The following PLCB1 variants were observed in gnomAD, a reference collection of about 807,000 sequenced individuals.
The protein encoded by PLCB1 is phospholipase C beta 1.
In PLCB1, 46 loss-of-function variants were observed where a neutral mutation model predicts 161.8. That is an observed-to-expected ratio of 0.28 (90% confidence interval 0.22 to 0.36). The LOEUF is 0.36. Among genes scored for constraint, PLCB1 ranks in the 10% least tolerant of loss-of-function variants. The pLI is 1.00. For synonymous variants in PLCB1, 517 were observed against 503.7 expected, an observed-to-expected ratio of 1.03 and a Z score of -0.35; for missense variants, 1,016 against 1,472.5, an observed-to-expected ratio of 0.69 and a Z score of 5.07.
chr20:8,819,674 CA>C (rs1347156954), intron 31 of PLCB1, among the ~76,000 whole-genome samples: 2 of 152,078 alleles, frequency 1.3e-5, no homozygotes, highest in Non-Finnish European at 2.9e-5. Context: ...GCCCAGATAC[CA>C]AAACCTGCAG....
At chr20:8,681,117 T>A (rs761913813) in intron 9 of PLCB1, among the ~76,000 whole-genome samples, 22 of 103,278 alleles carry the variant, frequency 2.1e-4, no homozygotes, top group African/African-American at 3.1e-4. Flanking sequence ...TATATATATA[T>A]ATAATATATA....
At chr20:8,348,604 A>G (rs1284252090) in intron 2 of PLCB1, among the ~76,000 whole-genome samples, 1 of 152,116 alleles carries the variant, frequency 6.6e-6, no homozygotes, top group Non-Finnish European at 1.5e-5. Flanking sequence ...CTGAGACCCA[A>G]ACAATTGTGT....
intron 2 of PLCB1, among the ~76,000 whole-genome samples, chr20:8,202,735 G>T (rs1384541289): frequency 6.6e-6 from 1 of 152,148 alleles, no homozygotes; most frequent in Non-Finnish European, 1.5e-5. Flanking sequence ...ATGGTGGGAG[G>T]TAGATGGTTT....
intron 23 of PLCB1, among the ~76,000 whole-genome samples, chr20:8,742,784 T>G (rs1269954592): frequency 6.6e-6 from 1 of 152,198 alleles, no homozygotes; most frequent in Non-Finnish European, 1.5e-5. Flanking sequence ...AAGTCCCCAA[T>G]TATTGGATAT....
At chr20:8,225,649 G>A (rs900386658) in intron 2 of PLCB1, among the ~76,000 whole-genome samples, 1 of 152,080 alleles carries the variant, frequency 6.6e-6, no homozygotes, top group African/African-American at 2.4e-5. Context: ...TGATTTACCT[G>A]CCAAGTGGCA....
chr20:8,822,805 A>G (rs892539494), intron 31 of PLCB1, among the ~76,000 whole-genome samples: 1 of 152,192 alleles, frequency 6.6e-6, no homozygotes, highest in Non-Finnish European at 1.5e-5. Context: ...ATCTGTTGCA[A>G]TAAAATTAAG....
intron 31 of PLCB1, among the ~76,000 whole-genome samples, chr20:8,824,507 T>A (rs577528697): frequency 1.3e-5 from 2 of 152,318 alleles, no homozygotes; most frequent in East Asian, 3.9e-4. Context: ...AACTCAGGAA[T>A]GGCAGGAAGT....
intron 3 of PLCB1, among the ~76,000 whole-genome samples, chr20:8,595,576 T>C (rs1164431836): frequency 2.1e-5 from 3 of 145,782 alleles, no homozygotes; most frequent in Non-Finnish European, 3.0e-5. Context: ...TGCATGTGTC[T>C]TTATAGCAGC....
rs186040363 is a variant in PLCB1, at chr20:8,470,797, T to A, written c.246+99347T>A. 2.1e-4 allele frequency among the ~76,000 whole-genome samples: 32 copies of A among 152,312 alleles called. 1 individual carries two copies. Among genetic ancestry groups the A allele is most frequent in the South Asian group, 4.1e-4 (2 of 4,828 alleles). ...GTATTCAGATTATTTGCCCATTTTT[T>A]AATTTTTTTTTCTTTTTAAAATTTA... is the stretch of plus-strand genomic sequence containing the variant. On this transcript the variant is annotated intron_variant, in intron 3 of 31. Coordinates refer to ENST00000338037, the MANE Select transcript of PLCB1 (RefSeq NM_015192.4).
At chr20:8,819,495 A>C (rs1985234309) in intron 31 of PLCB1, among the ~76,000 whole-genome samples, 1 of 152,238 alleles carries the variant, frequency 6.6e-6, no homozygotes, top group Non-Finnish European at 1.5e-5. Context: ...AAAATTTAAC[A>C]GAAAGATTGA....
At chr20:8,365,199 T>G (rs901349461) in intron 2 of PLCB1, among the ~76,000 whole-genome samples, 4 of 152,222 alleles carry the variant, frequency 2.6e-5, no homozygotes, top group Admixed American at 6.5e-5. Context: ...ATACAAGGCA[T>G]GCATGAGCAT....
At chr20:8,770,466 G>A (rs1331995683) in intron 26 of PLCB1, among the ~76,000 whole-genome samples, 1 of 152,202 alleles carries the variant, frequency 6.6e-6, no homozygotes, top group Non-Finnish European at 1.5e-5. Flanking sequence ...AATTTAGCAA[G>A]TTTATTTAGT....
intron 9 of PLCB1, among the ~76,000 whole-genome samples, chr20:8,662,482 ATAAT>A (rs1420281261): frequency 9.3e-5 from 13 of 140,270 alleles, no homozygotes; most frequent in African/African-American, 3.4e-4. Context: ...TAATATATAT[ATAAT>A]TTTTTATTAT....
chr20:8,551,509 G>T (rs371227643), intron 3 of PLCB1, among the ~76,000 whole-genome samples: 1 of 152,094 alleles, frequency 6.6e-6, no homozygotes, highest in African/African-American at 2.4e-5. Context: ...CGTCCTGTGC[G>T]CATCAGCTAT....
At chr20:8,237,997 C>CT (rs1221250346) in intron 2 of PLCB1, among the ~76,000 whole-genome samples, 3 of 152,034 alleles carry the variant, frequency 2.0e-5, no homozygotes, top group African/African-American at 7.2e-5. Flanking sequence ...ATATTTGACT[C>CT]TTTTCTAAGA....
chr20:8,212,112 G>A (rs1367513650), intron 2 of PLCB1, among the ~76,000 whole-genome samples: 1 of 152,038 alleles, frequency 6.6e-6, no homozygotes, highest in Non-Finnish European at 1.5e-5. Context: ...ATTTATATTT[G>A]TATATTTGTA....
chr20:8,749,765 A>C (rs1434327958), intron 23 of PLCB1, among the ~76,000 whole-genome samples: 1 of 152,208 alleles, frequency 6.6e-6, no homozygotes, highest in Non-Finnish European at 1.5e-5. Context: ...CATTAAATAC[A>C]AACTTGTTAC....
intron 2 of PLCB1, among the ~76,000 whole-genome samples, chr20:8,365,650 T>A (rs992760099): frequency 3.3e-5 from 5 of 152,162 alleles, no homozygotes; most frequent in African/African-American, 2.4e-5. Context: ...ATCATTTTTT[T>A]AAAAAAATTG....
chr20:8,314,167 G>A (rs1236127236), intron 2 of PLCB1, among the ~76,000 whole-genome samples: 1 of 152,140 alleles, frequency 6.6e-6, no homozygotes, highest in African/African-American at 2.4e-5. Flanking sequence ...AGTAACAGCT[G>A]TCTTGGAGAA....
Sources: allele counts gnomAD v4.1 joint callset (sites outside exome capture counted in the v4.1 genomes callset), GRCh38; gene constraint gnomAD v4.1.1; transcripts MANE v1.5; gene names NCBI Gene and HGNC (gene_info 2026-07-23, HGNC 2026-07-21).